FANK1: variants seen among roughly 807,000 people sequenced by gnomAD.
The protein encoded by FANK1 is fibronectin type 3 and ankyrin repeat domains protein 1.
FANK1 carries 44 observed loss-of-function variants against 45.3 expected under a neutral mutation model. The ratio of observed to expected loss-of-function variants is 0.97; its 90% confidence interval spans 0.76 to 1.25. FANK1 has a LOEUF of 1.25. Ranked by LOEUF, FANK1 falls within the 50% of genes most tolerant of loss-of-function variation. The pLI is 0.00. For missense variants in FANK1, 391 were observed against 424.4 expected (o/e 0.92, Z 0.69); for synonymous variants, 149 against 152.5 (o/e 0.98, Z 0.17).
intron 1 of FANK1, among the ~76,000 whole-genome samples, chr10:125,910,108 C>T (rs184537696): frequency 3.9e-4 from 59 of 151,548 alleles, no homozygotes; most frequent in Middle Eastern, 6.9e-3. Flanking sequence ...AAGTTCATGT[C>T]TGATAATTCT....
intron 1 of FANK1, among the ~76,000 whole-genome samples, chr10:125,911,252 A>T (rs1189272611): frequency 6.6e-6 from 1 of 152,128 alleles, no homozygotes; most frequent in Non-Finnish European, 1.5e-5. Context: ...GGTTGCAGTG[A>T]TACACGATCA....
intron 1 of FANK1, 50 bp from the exon 2 acceptor site, chr10:125,980,111 C>G (rs142360753): frequency 6.3e-7 from 1 of 1,579,276 alleles, no homozygotes. Context: ...ACTGGTCTCT[C>G]TTCCTTATGG....
chr10:125,974,595 T>A (rs1308707742), intron 1 of FANK1, among the ~76,000 whole-genome samples: 1 of 152,150 alleles, frequency 6.6e-6, no homozygotes, highest in Non-Finnish European at 1.5e-5. Flanking sequence ...CCTTGTTACC[T>A]TTGGCAAAAA....
chr10:125,966,672 A>G (rs1387185261), intron 1 of FANK1, among the ~76,000 whole-genome samples: 3 of 152,158 alleles, frequency 2.0e-5, no homozygotes, highest in African/African-American at 7.2e-5. Context: ...GTGTAATTGA[A>G]GTGTCTCATG....
At position 125,996,630 on chromosome 10, in the gene FANK1, G is replaced by A. The variant is rs1283038599; in HGVS notation, c.473+6G>A. 1.2e-6 allele frequency: 2 copies of A among 1,612,758 alleles called. No homozygotes were observed. Among genetic ancestry groups the A allele is most frequent in the African/African-American group, 1.3e-5 (1 of 74,848 alleles). The stretch of plus-strand genomic sequence containing the variant: ...GCCCAGAAAGGATACACCAGGTATG[G>A]CTCTTCTTTTTTTTAAATCTCTCTT... On this transcript the variant is annotated splice_donor_region_variant and intron_variant, in intron 5 of 10. Coordinates refer to ENST00000368693, the MANE Select transcript of FANK1 (RefSeq NM_145235.5).
intron 5 of FANK1, among the ~76,000 whole-genome samples, chr10:125,997,205 C>T (rs1952399269): frequency 6.6e-6 from 1 of 152,174 alleles, no homozygotes; most frequent in Non-Finnish European, 1.5e-5. Context: ...TAATGAATAA[C>T]TCGTGTCAAA....
At chr10:126,007,255 T>C (rs936554690) in intron 7 of FANK1, 4 of 152,216 alleles carry the variant, frequency 2.6e-5, no homozygotes, top group Non-Finnish European at 4.4e-5. Context: ...TAATGATCCA[T>C]GTGATCTCAG....
chr10:125,984,183 T>C (rs1951406787), intron 2 of FANK1, among the ~76,000 whole-genome samples: 1 of 152,072 alleles, frequency 6.6e-6, no homozygotes, highest in Non-Finnish European at 1.5e-5. Flanking sequence ...CTACACACCA[T>C]GCCCACCGTG....
chr10:125,988,399 C>T (rs1176239164), intron 2 of FANK1, 152 bp from the exon 3 acceptor site: 8 of 1,090,920 alleles, frequency 7.3e-6, no homozygotes, highest in Non-Finnish European at 1.1e-5. Flanking sequence ...GGGACTTGTC[C>T]TTCATTCTCT....
chr10:125,896,812 G>A (rs1369912796), intron 1 of FANK1, among the ~76,000 whole-genome samples, 157 bp downstream of exon 1: 1 of 152,304 alleles, frequency 6.6e-6, no homozygotes, highest in Non-Finnish European at 1.5e-5. Context: ...CTCCTGGAGA[G>A]GGGAGAAGGG....
intron 1 of FANK1, among the ~76,000 whole-genome samples, chr10:125,928,261 C>CCTT (rs367800250): frequency 2.2e-5 from 3 of 137,698 alleles, no homozygotes; most frequent in African/African-American, 8.2e-5. Context: ...TTATTCGTGC[C>CCTT]TTTTTTTTTT....
At chr10:125,901,614 G>A (rs1358338509) in intron 1 of FANK1, among the ~76,000 whole-genome samples, 2 of 152,156 alleles carry the variant, frequency 1.3e-5, no homozygotes, top group Non-Finnish European at 2.9e-5. Context: ...TTTCAGGACT[G>A]TGGCTCTGAA....
intron 4 of FANK1, 80 bp from the exon 5 acceptor site, chr10:125,996,470 A>G (rs1952335161): frequency 7.5e-7 from 1 of 1,331,168 alleles, no homozygotes; most frequent in Non-Finnish European, 1.1e-6. Context: ...TTACCCACCT[A>G]AGCCCTGTGA....
intron 6 of FANK1, 133 bp from the exon 7 acceptor site, chr10:126,004,751 T>C: frequency 1.2e-6 from 1 of 823,664 alleles, no homozygotes. Context: ...TACGTGTACG[T>C]TTTATATGAA....
intron 7 of FANK1, among the ~76,000 whole-genome samples, chr10:126,007,680 C>T (rs1208828727): frequency 7.7e-5 from 7 of 90,906 alleles, no homozygotes; most frequent in South Asian, 4.0e-4. Context: ...ACATGGTATG[C>T]GTGTGTGCAC....
chr10:125,940,122 A>T (rs905845516), intron 1 of FANK1, among the ~76,000 whole-genome samples: 1 of 151,926 alleles, frequency 6.6e-6, no homozygotes, highest in African/African-American at 2.4e-5. Flanking sequence ...GGTATTTCTC[A>T]TCAGGTGGGA....
intron 1 of FANK1, among the ~76,000 whole-genome samples, chr10:125,923,803 C>T (rs1396891913): frequency 6.6e-6 from 1 of 152,186 alleles, no homozygotes; most frequent in Non-Finnish European, 1.5e-5. Context: ...GCTGGGATTA[C>T]AGGTGCGAGC....
chr10:126,008,440 C>G lies in FANK1; in HGVS notation c.739C>G (p.Pro247Ala). 6.2e-7 allele frequency: 1 copy of G among 1,612,298 alleles called. No individual in the cohort carries two copies. Among genetic ancestry groups the G allele is most frequent in the Non-Finnish European group, 8.5e-7 (1 of 1,179,126 alleles). The part of the protein sequence containing the change: ...DVVDTGSGWT[P>A]LMRVSAVSGN... ...CGTGGACACTGGTTCAGGATGGACC[C>G]CACTCATGAGAGTCTCTGCGGTGTC... Residue 247 changes from proline to alanine, a missense_variant, in exon 8 of 11, where the codon CCA becomes GCA. By Grantham distance (27) the Pro-to-Ala change is conservative (BLOSUM62 -1). Transcript: ENST00000368693.
intron 1 of FANK1, among the ~76,000 whole-genome samples, chr10:125,915,712 G>A (rs1389290817): frequency 6.6e-6 from 1 of 152,224 alleles, no homozygotes; most frequent in African/African-American, 2.4e-5. Context: ...TACTCAGGAG[G>A]CTGAGGTGGG....
Sources: gnomAD v4.1 joint callset for allele counts (sites outside exome capture counted in the v4.1 genomes callset) on GRCh38, gnomAD v4.1.1 for gene constraint, MANE v1.5 for transcripts, NCBI Gene and HGNC (gene_info 2026-07-23, HGNC 2026-07-21) for gene names.